HSCB: variants seen among roughly 807,000 people sequenced by gnomAD.
The protein encoded by HSCB is iron-sulfur cluster co-chaperone protein HscB.
In HSCB, 23 loss-of-function variants were observed where a neutral mutation model predicts 31.3. The observed-to-expected ratio is 0.74, with a 90% CI of 0.53 to 1.04. The LOEUF (loss-of-function observed/expected upper bound fraction) is 1.04. Ranked by LOEUF, HSCB falls within the 50% of genes least tolerant of loss-of-function variation. The pLI is 0.00. For missense variants in HSCB, 297 were observed against 288.1 expected (o/e 1.03, Z -0.22); for synonymous variants, 110 against 104.5 (o/e 1.05, Z -0.32).
chr22:28,746,096 A>C, intron 4 of HSCB, 88 bp downstream of exon 4: 4 of 1,327,190 alleles, frequency 3.0e-6, no homozygotes, highest in Non-Finnish European at 3.1e-6. Flanking sequence ...AGAGTATATA[A>C]TGGCCCGGGT....
chr22:28,754,059 G>T (rs1011307998), intron 5 of HSCB, among the ~76,000 whole-genome samples: 6 of 152,052 alleles, frequency 3.9e-5, no homozygotes, highest in Non-Finnish European at 8.8e-5. Context: ...CTTGAAATTG[G>T]AAGGTGGAGT....
chr22:28,757,468 G>C lies in HSCB; in HGVS notation c.*299G>C. 1 of 215,262 alleles carries C rather than the reference G, an allele frequency of 4.6e-6. No homozygotes were observed. The highest frequency in any genetic ancestry group is 8.0e-5 in the South Asian group (1 of 12,482). 13.3% of individuals were successfully genotyped at this position (215,262 alleles called of 1,614,324 possible). A position where few individuals can be genotyped will look rare whatever the true frequency, so the allele number is the denominator to read the frequency against. Reference sequence around the variant, plus strand: ...CAACTGCACTCCAGCTTGGGCAACAGAGTGAGACTTAATCTTGAAAAATAA... The same window carrying C: ...CAACTGCACTCCAGCTTGGGCAACACAGTGAGACTTAATCTTGAAAAATAA... On this transcript the variant is annotated 3_prime_UTR_variant, in exon 6 of 6. Transcript: ENST00000216027.
chr22:28,749,904 A>G (rs1340894678), intron 4 of HSCB, among the ~76,000 whole-genome samples: 1 of 152,088 alleles, frequency 6.6e-6, no homozygotes, highest in Admixed American at 6.6e-5. Context: ...TGGAGATAAT[A>G]TTAGTACTGG....
chr22:28,744,756 G>A, intron 3 of HSCB, 52 bp downstream of exon 3: 1 of 1,348,794 alleles, frequency 7.4e-7, no homozygotes, highest in East Asian at 2.3e-5. Flanking sequence ...GCCCATTATG[G>A]CGTAGGACAG....
At chr22:28,742,918 G>C (rs926305743) in intron 1 of HSCB, among the ~76,000 whole-genome samples, 3 of 152,138 alleles carry the variant, frequency 2.0e-5, no homozygotes, top group Non-Finnish European at 4.4e-5. Flanking sequence ...AGACGGGGCA[G>C]TGTGGATAGA....
At chr22:28,743,237 GAC>G (rs764239638) in intron 1 of HSCB, among the ~76,000 whole-genome samples, 22 of 152,064 alleles carry the variant, frequency 1.4e-4, no homozygotes, top group African/African-American at 5.3e-4. Context: ...TGGCTAAGCC[GAC>G]CTAACGGGAT....
intron 4 of HSCB, among the ~76,000 whole-genome samples, chr22:28,747,556 G>A (rs531162304): frequency 4.6e-5 from 7 of 152,090 alleles, no homozygotes; most frequent in Non-Finnish European, 1.0e-4. Context: ...ACCTTCCTCA[G>A]TCTCCCAAAG....
At chr22:28,750,266 A>AAAAAAAAAC (rs1410447899) in intron 4 of HSCB, among the ~76,000 whole-genome samples, 1 of 151,336 alleles carries the variant, frequency 6.6e-6, no homozygotes, top group East Asian at 1.9e-4. Context: ...AAAAAAAAAA[A>AAAAAAAAAC]AAAAAAAAAA....
chr22:28,746,897 TCA>T lies in HSCB; in HGVS notation c.568+890_568+891del, dbSNP rs2054702032. ...CTGGACGACAGAGTGAGACTCCGTC[TCA>T]AAAAAAAAAAAAAAATCAGCCAAGC... On this transcript the variant is annotated intron_variant, in intron 4 of 5. Transcript: ENST00000216027. 7.4e-5 allele frequency among the ~76,000 whole-genome samples: 8 copies of T among 108,312 alleles called. No individual in the cohort carries two copies. The South Asian group carries it at 4.1e-3, about 55-fold the overall frequency. 71.1% of individuals were successfully genotyped at this position (108,312 alleles called of 152,430 possible).
intron 5 of HSCB, among the ~76,000 whole-genome samples, chr22:28,754,957 G>A (rs960381507): frequency 2.7e-5 from 4 of 150,524 alleles, no homozygotes; most frequent in Admixed American, 1.3e-4. Flanking sequence ...CACCACACCC[G>A]GCTAATTTTT....
rs765847392 is a variant in HSCB at position 28,744,548 on chromosome 22, CA to C, written c.334-62del. On this transcript the variant is annotated intron_variant, in intron 2 of 5. Coordinates refer to ENST00000216027, the MANE Select transcript of HSCB (RefSeq NM_172002.5). ...CAGCCTGGATGACTCAACGTCAAAA[CA>C]AAAACAAAAACAAAAAAACTTTGTG... The C allele has an allele frequency of 1.0e-5, 13 of 1,245,256 alleles. No individual in the cohort carries two copies. In the East Asian group the frequency reaches 2.8e-4, roughly 27 times the overall value. 77.1% of individuals were successfully genotyped at this position (1,245,256 alleles called of 1,614,324 possible). A position where few individuals can be genotyped will look rare whatever the true frequency, so the allele number is the denominator to read the frequency against.
intron 4 of HSCB, among the ~76,000 whole-genome samples, chr22:28,750,277 C>G (rs1263258043): frequency 7.6e-5 from 7 of 91,966 alleles, no homozygotes; most frequent in Admixed American, 4.3e-4. Context: ...AAAAAAAAAA[C>G]ACTTATTCTA....
rs563701958 is a variant in HSCB, at chr22:28,750,247, CAAAAAAAAAAAAAA to C, written c.569-978_569-965del. ...CTGGGCAACAAGAGCGAAACTGTCT[CAAAAAAAAAAAAAA>C]AAAAAAAAAAAAAAACACTTATTCT... On this transcript the variant is annotated intron_variant, in intron 4 of 5. Transcript: ENST00000216027. Among the ~76,000 whole-genome samples, 5 of 64,714 alleles carry C rather than the reference CAAAAAAAAAAAAAA, an allele frequency of 7.7e-5. No homozygotes were observed. The South Asian group carries it at 1.9e-3, about 24-fold the overall frequency. The allele number at this position is 64,714 out of a possible 152,430, so 42.5% of individuals were successfully genotyped here.
At position 28,742,307 on chromosome 22, in the gene HSCB, G is replaced by A; in HGVS notation, c.212G>A (p.Arg71Gln). 16 of 1,614,160 alleles carry A rather than the reference G, an allele frequency of 9.9e-6. No homozygotes were observed. Among genetic ancestry groups the A allele is most frequent in the Non-Finnish European group, 1.4e-5 (16 of 1,180,036 alleles). Residue 71 changes from arginine (R) to glutamine (Q), a missense_variant, in exon 1 of 6, where the codon CGA (arginine) becomes CAA (glutamine). Transcript: ENST00000216027. The stretch of plus-strand genomic sequence containing the variant: ...GCGCTGCAGGCACCTGACCCCACTC[G>A]AGACTACTTCAGCCTTATGGACTGG... ...CRALQAPDPT[R>Q]DYFSLMDCNR...
At chr22:28,751,192 T>C in intron 4 of HSCB, 49 bp from the exon 5 acceptor site, 1 of 1,117,674 alleles carries the variant, frequency 8.9e-7, no homozygotes, top group Non-Finnish European at 1.3e-6. Context: ...GTCTTCATAT[T>C]ATGAGTCTAT....
In HSCB at chr22:28,744,802, G is replaced by C. The variant is rs961614494; in HGVS notation, c.423+98G>C. ...TTTATTCAGCAGAAGAGTGCTTGAG[G>C]TCAGGCATGGTGGCTCACACCTGTA... On this transcript the variant is annotated intron_variant, in intron 3 of 5. Coordinates refer to ENST00000216027, the MANE Select transcript of HSCB (RefSeq NM_172002.5). 5 of 929,454 alleles carry C rather than the reference G, an allele frequency of 5.4e-6. No individual in the cohort carries two copies. In the African/African-American group the frequency reaches 8.1e-5, roughly 15 times the overall value. 57.6% of individuals were successfully genotyped at this position (929,454 alleles called of 1,614,324 possible).
chr22:28,756,466 C>CT (rs1248599067), intron 5 of HSCB, among the ~76,000 whole-genome samples: 401 of 133,706 alleles, frequency 3.0e-3, no homozygotes, highest in Non-Finnish European at 4.1e-3. Flanking sequence ...AACCACCCAC[C>CT]CTTTTTTTTT....
At chr22:28,754,956 C>T (rs1428132162) in intron 5 of HSCB, among the ~76,000 whole-genome samples, 1 of 150,640 alleles carries the variant, frequency 6.6e-6, no homozygotes, top group African/African-American at 2.4e-5. Context: ...CCACCACACC[C>T]GGCTAATTTT....
intron 4 of HSCB, among the ~76,000 whole-genome samples, chr22:28,749,123 A>G (rs1160684679): frequency 6.7e-6 from 1 of 150,216 alleles, no homozygotes; most frequent in Non-Finnish European, 1.5e-5. Flanking sequence ...TTTCAGCAAC[A>G]GAGCGAAAAC....
Sources: allele counts gnomAD v4.1 joint callset (sites outside exome capture counted in the v4.1 genomes callset), GRCh38; gene constraint gnomAD v4.1.1; transcripts MANE v1.5; gene names NCBI Gene and HGNC (gene_info 2026-07-23, HGNC 2026-07-21).